Variants in WDR25 observed in about 807,000 individuals in gnomAD.
WDR25 encodes the protein WD repeat-containing protein 25.
WDR25 carries 35 observed loss-of-function variants against 47.7 expected under a neutral mutation model. That is an observed-to-expected ratio of 0.73 (90% CI 0.56 to 0.97). WDR25 has a LOEUF of 0.97. WDR25 is among the 50% of genes least tolerant of loss of function. WDR25 has a pLI of 0.00. For missense variants in WDR25, 634 were observed against 704.7 expected (o/e 0.90, Z 1.14); for synonymous variants, 248 against 278.9 (o/e 0.89, Z 1.10).
At chr14:100,481,061 A>G (rs1900180754) in intron 3 of WDR25, 1 of 447,032 alleles carries the variant, frequency 2.2e-6, no homozygotes. Flanking sequence ...ATTGAAGCTG[A>G]AAAAGGCAGC....
chr14:100,529,112 C>A lies in WDR25; in HGVS notation c.1317C>A (p.Pro439=). The A allele has an allele frequency of 6.3e-7, 1 of 1,581,274 alleles. No homozygotes were observed. Among genetic ancestry groups the A allele is most frequent in the Non-Finnish European group, 8.6e-7 (1 of 1,156,268 alleles). The change falls in exon 6 of 7, where the codon CCC becomes CCA. Residue 439 remains proline, a synonymous_variant. Coordinates refer to ENST00000402312, the MANE Select transcript of WDR25 (RefSeq NM_001161476.3). This position sits in a 1 kb window ranked among gnomAD's most constrained non-coding sequence, Gnocchi z 5.1. ...GCCTCGCCTTGCACCCGAGAGAGCCCGTGTTCCTGGCACAGACCAATGGCA... is the reference window on the plus strand; with the variant it reads ...GCCTCGCCTTGCACCCGAGAGAGCCAGTGTTCCTGGCACAGACCAATGGCA... The part of the protein sequence containing the change: ...CPSLALHPRE[P]VFLAQTNGNY...
At position 100,424,772 on chromosome 14, in the gene WDR25, T is replaced by G. The variant is rs945024213; in HGVS notation, c.822+43026T>G. ...AGCAGTGGCAGCCGTGACCACCTACTATGGACCAGCTTCTGCCAGGCACCT... is the reference window on the plus strand; with the variant it reads ...AGCAGTGGCAGCCGTGACCACCTACGATGGACCAGCTTCTGCCAGGCACCT... On this transcript the variant is annotated intron_variant, in intron 2 of 6. Coordinates refer to ENST00000402312, the MANE Select transcript of WDR25 (RefSeq NM_001161476.3). The surrounding 1 kb of genome is among the most constrained non-coding windows in gnomAD (Gnocchi z 4.2). Among the ~76,000 whole-genome samples, 1 of 152,234 alleles carries G rather than the reference T, an allele frequency of 6.6e-6. No homozygotes were observed. Among genetic ancestry groups the G allele is most frequent in the African/African-American group, 2.4e-5 (1 of 41,462 alleles).
At position 100,468,285 on chromosome 14, in the gene WDR25, C is replaced by T; in HGVS notation, c.970+117C>T. On this transcript the variant is annotated intron_variant, in intron 3 of 6. Coordinates refer to ENST00000402312, the MANE Select transcript of WDR25 (RefSeq NM_001161476.3). The surrounding 1 kb of genome is among the most constrained non-coding windows in gnomAD (Gnocchi z 4.5). ...GCTTGCGTGGCAGAGGGAGAGGGGC[C>T]TCAGGGTGGGCTCGTGCTCGGTGAG... The T allele has an allele frequency of 6.9e-7, 1 of 1,450,544 alleles. No homozygotes were observed. Among genetic ancestry groups the T allele is most frequent in the East Asian group, 2.3e-5 (1 of 43,182 alleles). The allele number at this position is 1,450,544 out of a possible 1,614,324, so 89.9% of individuals were successfully genotyped here. A position where few individuals can be genotyped will look rare whatever the true frequency, so the allele number is the denominator to read the frequency against.
intron 1 of WDR25, among the ~76,000 whole-genome samples, chr14:100,380,459 A>G (rs905710870): frequency 2.6e-5 from 4 of 151,914 alleles, no homozygotes; most frequent in African/African-American, 9.7e-5. Flanking sequence ...CCTGATATGT[A>G]GAAAAGCCTT....
chr14:100,461,908 TTTTTTGTTTG>T (rs1464894843), intron 2 of WDR25, among the ~76,000 whole-genome samples: 3 of 152,124 alleles, frequency 2.0e-5, no homozygotes, highest in Non-Finnish European at 2.9e-5. Flanking sequence ...TTTTCTGTTT[TTTTTTGTTTG>T]TTTTGTTTGT....
chr14:100,432,671 A>G (rs898825576), intron 2 of WDR25, among the ~76,000 whole-genome samples: 1 of 152,244 alleles, frequency 6.6e-6, no homozygotes, highest in Non-Finnish European at 1.5e-5. Context: ...TTTACTCCCA[A>G]ATATTTCAGT....
In WDR25 at chr14:100,407,141, A is replaced by G. The variant is rs1223424615; in HGVS notation, c.822+25395A>G. ...GGGCTGAGCCTGCGGTTAACATCTTAATAGTAACCGGAGAGTTTCTGAGAG... is the reference window on the plus strand; with the variant it reads ...GGGCTGAGCCTGCGGTTAACATCTTGATAGTAACCGGAGAGTTTCTGAGAG... On this transcript the variant is annotated intron_variant, in intron 2 of 6. Coordinates refer to ENST00000402312, the MANE Select transcript of WDR25 (RefSeq NM_001161476.3). This position sits in a 1 kb window ranked among gnomAD's most constrained non-coding sequence, Gnocchi z 4.1. 1.3e-5 allele frequency: 2 copies of G among 152,272 alleles called. No individual in the cohort carries two copies. Among genetic ancestry groups the G allele is most frequent in the Non-Finnish European group, 2.9e-5 (2 of 68,052 alleles). 9.4% of individuals were successfully genotyped at this position (152,272 alleles called of 1,614,324 possible).
Position 100,381,969 on chromosome 14 carries a change from G to A in WDR25, c.822+223G>A, listed in dbSNP as rs568118535. 1.2e-5 allele frequency: 8 copies of A among 663,898 alleles called. No individual in the cohort carries two copies. In the East Asian group the frequency reaches 1.4e-4, roughly 11 times the overall value. The allele number at this position is 663,898 out of a possible 1,614,324, so 41.1% of individuals were successfully genotyped here. A position where few individuals can be genotyped will look rare whatever the true frequency, so the allele number is the denominator to read the frequency against. On this transcript the variant is annotated intron_variant, in intron 2 of 6. Coordinates refer to ENST00000402312, the MANE Select transcript of WDR25 (RefSeq NM_001161476.3). ...TGCTGCCTTGCTCAGGTTACCAGAGGATACTGTTTCTTATCCCTCTCGGAG... is the reference window on the plus strand; with the variant it reads ...TGCTGCCTTGCTCAGGTTACCAGAGAATACTGTTTCTTATCCCTCTCGGAG...
intron 3 of WDR25, among the ~76,000 whole-genome samples, chr14:100,483,299 C>A (rs1170804283): frequency 6.6e-6 from 1 of 152,186 alleles, no homozygotes; most frequent in Admixed American, 6.5e-5. Flanking sequence ...CATACACAGA[C>A]ACTTACCTAA....
intron 2 of WDR25, among the ~76,000 whole-genome samples, chr14:100,402,201 T>C (rs1897399877): frequency 6.6e-6 from 1 of 152,150 alleles, no homozygotes; most frequent in African/African-American, 2.4e-5. Context: ...TTCCCAAGTG[T>C]CCTCTGTCAA....
At chr14:100,504,077 C>CCACCCTCCT (rs1384513826) in intron 4 of WDR25, among the ~76,000 whole-genome samples, 1 of 152,230 alleles carries the variant, frequency 6.6e-6, no homozygotes, top group East Asian at 1.9e-4. Context: ...CCAATAGTCT[C>CCACCCTCCT]CACCCTCCTC....
intron 2 of WDR25, among the ~76,000 whole-genome samples, chr14:100,383,461 G>A (rs902192930): frequency 3.9e-5 from 6 of 152,230 alleles, no homozygotes; most frequent in African/African-American, 1.4e-4. Context: ...ACTGGCCCTG[G>A]AGTTCAAGTG....
At chr14:100,396,548 A>G (rs960458834) in intron 2 of WDR25, among the ~76,000 whole-genome samples, 5 of 152,220 alleles carry the variant, frequency 3.3e-5, no homozygotes. Flanking sequence ...GACCCAAGGC[A>G]GGTGGCACAA....
At chr14:100,418,095 C>T (rs1383513367) in intron 2 of WDR25, among the ~76,000 whole-genome samples, 4 of 151,852 alleles carry the variant, frequency 2.6e-5, no homozygotes, top group African/African-American at 9.7e-5. Flanking sequence ...GCACCAACCA[C>T]CACGCCTGGC....
At chr14:100,493,995 A>G (rs1474130112) in intron 4 of WDR25, among the ~76,000 whole-genome samples, 4 of 152,224 alleles carry the variant, frequency 2.6e-5, no homozygotes, top group African/African-American at 4.8e-5. Context: ...AGATATCCTC[A>G]AGCTCAAAGA....
chr14:100,498,780 G>A lies in WDR25; in HGVS notation c.1101+14656G>A, dbSNP rs1199447436. ...TCTGTATTCCATTCCAAGCCCTGCT[G>A]GCCAGGCCACGCCCCTGATTTGGAA... On this transcript the variant is annotated intron_variant, in intron 4 of 6. Transcript: ENST00000402312. The surrounding 1 kb of genome is among the most constrained non-coding windows in gnomAD (Gnocchi z 4.2). 6.6e-6 allele frequency among the ~76,000 whole-genome samples: 1 copy of A among 152,226 alleles called. No homozygotes were observed. The highest frequency in any genetic ancestry group is 2.4e-5 in the African/African-American group (1 of 41,448).
intron 5 of WDR25, among the ~76,000 whole-genome samples, chr14:100,526,336 A>G (rs2030133059): frequency 6.6e-6 from 1 of 151,872 alleles, no homozygotes; most frequent in Non-Finnish European, 1.5e-5. Flanking sequence ...AACCTGAGAA[A>G]CCCCACCCTC....
rs537103827 is a variant in WDR25 at position 100,414,480 on chromosome 14, T to G, written c.822+32734T>G. ...GACGTATGCCACCATGCCCGGCTAATTTTTGTATTTTTAGTAGAGATAGGG... is the reference window on the plus strand; with the variant it reads ...GACGTATGCCACCATGCCCGGCTAAGTTTTGTATTTTTAGTAGAGATAGGG... On this transcript the variant is annotated intron_variant, in intron 2 of 6. Coordinates refer to ENST00000402312, the MANE Select transcript of WDR25 (RefSeq NM_001161476.3). 5.9e-5 allele frequency among the ~76,000 whole-genome samples: 9 copies of G among 151,726 alleles called. No homozygotes were observed. In the East Asian group the frequency reaches 1.6e-3, roughly 26 times the overall value.
rs1274139084 is a variant in WDR25, at chr14:100,428,418, C to T, written c.823-39603C>T. On this transcript the variant is annotated intron_variant, in intron 2 of 6. Coordinates refer to ENST00000402312, the MANE Select transcript of WDR25 (RefSeq NM_001161476.3). This position sits in a 1 kb window ranked among gnomAD's most constrained non-coding sequence, Gnocchi z 4.3. ...GGCTACGGGTCTTGGGTCTGCCACT[C>T]ACCAGCCTGGTGTGGGCAGCCATTT... Among the ~76,000 whole-genome samples the T allele has an allele frequency of 1.3e-5, 2 of 152,228 alleles. No homozygotes were observed. Among genetic ancestry groups the T allele is most frequent in the African/African-American group, 4.8e-5 (2 of 41,452 alleles).
Sources: gnomAD v4.1 joint callset for allele counts (sites outside exome capture counted in the v4.1 genomes callset) on GRCh38, gnomAD v4.1.1 for gene constraint, Gnocchi (gnomAD v3.1) non-coding constraint, MANE v1.5 for transcripts, NCBI Gene and HGNC (gene_info 2026-07-23, HGNC 2026-07-21) for gene names.